TMEM131L: variants seen among roughly 807,000 people sequenced by gnomAD.
TMEM131L encodes the protein transmembrane 131 like.
In TMEM131L, 54 loss-of-function variants were observed where a neutral mutation model predicts 192.2. The ratio of observed to expected loss-of-function variants is 0.28; its 90% confidence interval spans 0.23 to 0.35. TMEM131L has a LOEUF of 0.35. Among genes scored for constraint, TMEM131L ranks in the 10% least tolerant of loss-of-function variants. TMEM131L has a pLI of 1.00. For synonymous variants in TMEM131L, 701 were observed against 704.9 expected (o/e 0.99, Z 0.09); for missense variants, 1,888 against 1,972.9 (o/e 0.96, Z 0.82).
intron 15 of TMEM131L, 55 bp downstream of exon 15, chr4:153,587,866 TAGTG>T (rs1730803819): frequency 1.6e-6 from 2 of 1,215,362 alleles, no homozygotes; most frequent in South Asian, 1.2e-5. Flanking sequence ...GGATGGGAAA[TAGTG>T]AGGAAAATTA....
intron 3 of TMEM131L, among the ~76,000 whole-genome samples, chr4:153,489,445 ATTCT>A (rs1732609609): frequency 1.3e-5 from 2 of 152,158 alleles, no homozygotes; most frequent in African/African-American, 4.8e-5. Context: ...TCCAAGGAAA[ATTCT>A]TTATTTTCAC....
intron 3 of TMEM131L, among the ~76,000 whole-genome samples, chr4:153,524,553 A>G (rs1326428219): frequency 1.3e-5 from 2 of 152,230 alleles, no homozygotes; most frequent in Non-Finnish European, 2.9e-5. Context: ...TACAATAATG[A>G]TGCATGCTTT....
At chr4:153,515,864 C>T (rs577347232) in intron 3 of TMEM131L, among the ~76,000 whole-genome samples, 1 of 151,400 alleles carries the variant, frequency 6.6e-6, no homozygotes, top group South Asian at 2.1e-4. Flanking sequence ...TGCTCATTGA[C>T]CATTTGTATA....
intron 3 of TMEM131L, among the ~76,000 whole-genome samples, chr4:153,486,808 A>G (rs1209642383): frequency 6.6e-6 from 1 of 152,232 alleles, no homozygotes; most frequent in African/African-American, 2.4e-5. Context: ...CCACGTGATC[A>G]GCTCTGTCCT....
chr4:153,535,625 G>T (rs1231003035), intron 3 of TMEM131L, among the ~76,000 whole-genome samples: 2 of 152,092 alleles, frequency 1.3e-5, no homozygotes, highest in Non-Finnish European at 2.9e-5. Context: ...GAAATATGCT[G>T]TTTGAATCAA....
At position 153,613,361 on chromosome 4, in the gene TMEM131L, A is replaced by G. The variant is rs72952865; in HGVS notation, c.3567+961A>G. Among the ~76,000 whole-genome samples the G allele has an allele frequency of 6.5e-3, 992 of 152,346 alleles. 12 individuals are homozygous for G. Among genetic ancestry groups the G allele is most frequent in the African/African-American group, 0.023 (939 of 41,594 alleles). ...AAATTTTAACCAAGTAAAAATAGTAATATAATCTGCAAAAACCAGGAGGTG... is the reference window on the plus strand; with the variant it reads ...AAATTTTAACCAAGTAAAAATAGTAGTATAATCTGCAAAAACCAGGAGGTG... On this transcript the variant is annotated intron_variant, in intron 26 of 34. Coordinates refer to ENST00000409959, the MANE Select transcript of TMEM131L (RefSeq NM_001131007.2).
rs77622908 is a variant in TMEM131L, at chr4:153,542,941, A to G, written c.240-7132A>G. Among the ~76,000 whole-genome samples, 972 of 152,220 alleles carry G rather than the reference A, an allele frequency of 6.4e-3. 19 individuals carry two copies. In the East Asian group the frequency reaches 0.083, roughly 13 times the overall value. Reference sequence around the variant, plus strand: ...GCATAGGTCATCAGCAATATGAGGGACAGATTAGTGTGGATGACTTTTGTC... The same window carrying G: ...GCATAGGTCATCAGCAATATGAGGGGCAGATTAGTGTGGATGACTTTTGTC... On this transcript the variant is annotated intron_variant, in intron 3 of 34. Transcript: ENST00000409959.
intron 6 of TMEM131L, 138 bp downstream of exon 6, chr4:153,557,220 A>T (rs550416868): frequency 5.2e-5 from 32 of 620,226 alleles, no homozygotes; most frequent in Non-Finnish European, 9.2e-5. Context: ...TAGTGATGTT[A>T]AAATCATCAG....
intron 2 of TMEM131L, among the ~76,000 whole-genome samples, chr4:153,470,095 A>G (rs1731050236): frequency 6.6e-6 from 1 of 151,784 alleles, no homozygotes; most frequent in South Asian, 2.1e-4. Flanking sequence ...AAAACCATAT[A>G]TGACAACTAA....
intron 30 of TMEM131L, 53 bp from the exon 31 acceptor site, chr4:153,627,552 A>G: frequency 1.4e-6 from 2 of 1,386,132 alleles, no homozygotes; most frequent in East Asian, 2.3e-5. Context: ...CAATATCAGT[A>G]TTTCCTCGTG....
intron 3 of TMEM131L, among the ~76,000 whole-genome samples, chr4:153,476,239 A>G (rs1407037033): frequency 6.6e-6 from 1 of 152,218 alleles, no homozygotes; most frequent in Non-Finnish European, 1.5e-5. Context: ...TATTACAGGC[A>G]TGAGCCACCA....
chr4:153,539,808 T>TAA (rs112610549), intron 3 of TMEM131L, among the ~76,000 whole-genome samples: 12 of 149,280 alleles, frequency 8.0e-5, no homozygotes, highest in East Asian at 7.8e-4. Context: ...ATTGGGACTT[T>TAA]AAAAAAAAAA....
chr4:153,626,737 C>T (rs1012413915), intron 30 of TMEM131L, among the ~76,000 whole-genome samples: 2 of 152,198 alleles, frequency 1.3e-5, no homozygotes, highest in East Asian at 3.8e-4. Flanking sequence ...TACACTCTAG[C>T]CTGGGTAACA....
chr4:153,619,028 A>G (rs771351685), intron 26 of TMEM131L, among the ~76,000 whole-genome samples: 11 of 151,914 alleles, frequency 7.2e-5, no homozygotes, highest in Non-Finnish European at 1.5e-4. Context: ...TGTCATACTC[A>G]CGGAGAACTC....
At chr4:153,563,481 T>TC (rs1406589075) in intron 7 of TMEM131L, among the ~76,000 whole-genome samples, 3 of 133,668 alleles carry the variant, frequency 2.2e-5, no homozygotes, top group Non-Finnish European at 3.1e-5. Flanking sequence ...TTTTTTTTTT[T>TC]TTTTGAGACA....
At chr4:153,472,201 C>T (rs769369181) in intron 2 of TMEM131L, among the ~76,000 whole-genome samples, 5 of 152,086 alleles carry the variant, frequency 3.3e-5, no homozygotes, top group Non-Finnish European at 5.9e-5. Context: ...CACAGAACAG[C>T]GAAATTACTT....
In TMEM131L at chr4:153,466,373, A is replaced by C. The variant is rs968655236; in HGVS notation, c.-25A>C. ...CGAGCTAGCGGCGAGCGCGGCGAGC[A>C]ACGGAGAGGAGCGCGAGCAGCAGCA... On this transcript the variant is annotated 5_prime_UTR_variant, in exon 1 of 35. Transcript: ENST00000409959. 31 of 1,262,594 alleles carry C rather than the reference A, an allele frequency of 2.5e-5. No homozygotes were observed. The highest frequency in any genetic ancestry group is 3.1e-5 in the Non-Finnish European group (31 of 1,001,532). The allele number at this position is 1,262,594 out of a possible 1,614,324, so 78.2% of individuals were successfully genotyped here.
intron 4 of TMEM131L, among the ~76,000 whole-genome samples, chr4:153,552,902 TAG>T (rs1168381219): frequency 6.6e-6 from 1 of 151,660 alleles, no homozygotes. Flanking sequence ...ACTATGTAAA[TAG>T]TTATACTGTA....
intron 3 of TMEM131L, among the ~76,000 whole-genome samples, chr4:153,475,890 T>C (rs985608874): frequency 6.6e-6 from 1 of 152,318 alleles, no homozygotes; most frequent in African/African-American, 2.4e-5. Flanking sequence ...TCTTCAGAAT[T>C]TGATATTCTT....
Sources: gnomAD v4.1 joint callset for allele counts (sites outside exome capture counted in the v4.1 genomes callset) on GRCh38, gnomAD v4.1.1 for gene constraint, MANE v1.5 for transcripts, NCBI Gene and HGNC (gene_info 2026-07-23, HGNC 2026-07-21) for gene names.